NAV2: variants seen among roughly 807,000 people sequenced by gnomAD.
NAV2 encodes neuron navigator 2.
A neutral mutation model predicts 223.2 loss-of-function variants in NAV2; 54 were observed. That is an observed-to-expected ratio of 0.24 (90% confidence interval 0.19 to 0.30). The LOEUF is 0.30. Among genes scored for constraint, NAV2 ranks in the 10% least tolerant of loss-of-function variants. NAV2 has a pLI of 1.00. For missense variants in NAV2, 2,806 were observed against 3,147.5 expected, an observed-to-expected ratio of 0.89 and a Z score of 2.60; for synonymous variants, 1,279 against 1,239.3, an observed-to-expected ratio of 1.03 and a Z score of -0.67.
At chr11:19,785,664 C>A (rs2057058790) in intron 1 of NAV2, among the ~76,000 whole-genome samples, 1 of 121,692 alleles carries the variant, frequency 8.2e-6, no homozygotes, top group Admixed American at 7.8e-5. Context: ...TTTTTTAAAG[C>A]ACTAATTGCA....
chr11:19,490,459 G>A (rs915298897), intron 1 of NAV2, among the ~76,000 whole-genome samples: 4 of 152,114 alleles, frequency 2.6e-5, no homozygotes, highest in African/African-American at 7.2e-5. Flanking sequence ...TTTCAGTAAC[G>A]TTCTCAGCAT....
At chr11:19,734,871 C>G (rs1369944541) in intron 1 of NAV2, among the ~76,000 whole-genome samples, 2 of 152,178 alleles carry the variant, frequency 1.3e-5, no homozygotes, top group African/African-American at 2.4e-5. Flanking sequence ...CTATGAGCCT[C>G]CACTCAGGCT....
intron 1 of NAV2, among the ~76,000 whole-genome samples, chr11:19,440,376 A>G (rs748300600): frequency 6.6e-6 from 1 of 152,150 alleles, no homozygotes; most frequent in Non-Finnish European, 1.5e-5. Context: ...GTGCTTCAGG[A>G]TGAGTTGGAG....
At chr11:19,859,269 T>C (rs1486003818) in intron 3 of NAV2, among the ~76,000 whole-genome samples, 1 of 148,214 alleles carries the variant, frequency 6.7e-6, no homozygotes, top group African/African-American at 2.5e-5. Context: ...CTGGTTTTCC[T>C]AGGCAGAGGA....
At chr11:19,409,495 G>T (rs2133380754) in intron 1 of NAV2, among the ~76,000 whole-genome samples, 1 of 152,272 alleles carries the variant, frequency 6.6e-6, no homozygotes, top group South Asian at 2.1e-4. Context: ...GCTCTTGGCT[G>T]CTTGGAGGGG....
intron 32 of NAV2, among the ~76,000 whole-genome samples, chr11:20,101,496 A>C (rs1433738013): frequency 1.3e-5 from 2 of 152,220 alleles, no homozygotes; most frequent in Non-Finnish European, 2.9e-5. Flanking sequence ...CAACGATAAT[A>C]ACACCAATAA....
intron 1 of NAV2, among the ~76,000 whole-genome samples, chr11:19,702,644 G>A (rs1179805744): frequency 1.3e-5 from 2 of 152,050 alleles, no homozygotes; most frequent in Admixed American, 6.6e-5. Context: ...CTGGCACAGT[G>A]GTGCATGCCT....
At chr11:19,584,865 G>T (rs2045842636) in intron 1 of NAV2, among the ~76,000 whole-genome samples, 1 of 152,172 alleles carries the variant, frequency 6.6e-6, no homozygotes, top group Non-Finnish European at 1.5e-5. Context: ...GTTGATTTGG[G>T]GTGGAGAGTT....
chr11:19,613,510 C>T (rs2046701582), intron 1 of NAV2, among the ~76,000 whole-genome samples: 1 of 152,188 alleles, frequency 6.6e-6, no homozygotes, highest in Non-Finnish European at 1.5e-5. Flanking sequence ...GTTGAGGAAG[C>T]AGCCATCTCA....
chr11:19,671,879 C>T (rs993588267), intron 1 of NAV2, among the ~76,000 whole-genome samples: 1 of 152,182 alleles, frequency 6.6e-6, no homozygotes, highest in African/African-American at 2.4e-5. Flanking sequence ...GCTCCTCCTG[C>T]ATGCTTAGCA....
chr11:20,057,598 C>T (rs956994269), intron 19 of NAV2, among the ~76,000 whole-genome samples: 2 of 152,160 alleles, frequency 1.3e-5, no homozygotes, highest in African/African-American at 4.8e-5. Context: ...TCTTTCTAGT[C>T]AGTGTACTGG....
intron 6 of NAV2, among the ~76,000 whole-genome samples, chr11:19,907,777 TC>T (rs1294912541): frequency 6.6e-6 from 1 of 152,218 alleles, no homozygotes; most frequent in East Asian, 1.9e-4. Context: ...GGATCAAAGG[TC>T]TTTTCTCTGA....
At chr11:19,833,369 C>A (rs1344954512) in intron 2 of NAV2, among the ~76,000 whole-genome samples, 3 of 152,190 alleles carry the variant, frequency 2.0e-5, no homozygotes, top group Non-Finnish European at 4.4e-5. Flanking sequence ...AGTTGCTTAC[C>A]CTTCAAGTGT....
At chr11:19,855,599 A>C (rs1479781175) in intron 3 of NAV2, among the ~76,000 whole-genome samples, 2 of 152,180 alleles carry the variant, frequency 1.3e-5, no homozygotes, top group African/African-American at 2.4e-5. Flanking sequence ...TTTCCCCTGA[A>C]GGAATATGAA....
chr11:19,755,304 G>A (rs2054147255), intron 1 of NAV2, among the ~76,000 whole-genome samples: 1 of 152,214 alleles, frequency 6.6e-6, no homozygotes, highest in Admixed American at 6.5e-5. Context: ...AATGGTGGAG[G>A]TGAAATCTGA....
chr11:19,902,333 A>C (rs1021840443), intron 6 of NAV2, among the ~76,000 whole-genome samples: 1 of 152,204 alleles, frequency 6.6e-6, no homozygotes, highest in African/African-American at 2.4e-5. Context: ...TGAAACTAAT[A>C]ACCTTTAATG....
chr11:19,954,453 C>G (rs900161066), intron 10 of NAV2, among the ~76,000 whole-genome samples: 2 of 152,004 alleles, frequency 1.3e-5, no homozygotes, highest in African/African-American at 4.8e-5. Flanking sequence ...GTTTCAGGAC[C>G]CCCAGAAAAT....
chr11:19,367,075 G>A (rs1244768602), intron 1 of NAV2, among the ~76,000 whole-genome samples: 1 of 152,176 alleles, frequency 6.6e-6, no homozygotes, highest in Non-Finnish European at 1.5e-5. Flanking sequence ...TGACAAGGGT[G>A]GGAGAACCAG....
intron 10 of NAV2, among the ~76,000 whole-genome samples, chr11:19,976,601 G>T (rs1037818394): frequency 6.6e-6 from 1 of 152,244 alleles, no homozygotes. Context: ...GTACTCCCCA[G>T]TGAGGTGTGC....
Sources: allele counts gnomAD v4.1 joint callset (sites outside exome capture counted in the v4.1 genomes callset), GRCh38; gene constraint gnomAD v4.1.1; transcripts MANE v1.5; gene names NCBI Gene and HGNC (gene_info 2026-07-23, HGNC 2026-07-21).